KCNJ6: variants seen among roughly 807,000 people sequenced by gnomAD.
The protein encoded by KCNJ6 is G protein-activated inward rectifier potassium channel 2.
In KCNJ6, 9 loss-of-function variants were observed where a neutral mutation model predicts 34.2. The ratio of observed to expected loss-of-function variants is 0.26; its 90% CI spans 0.16 to 0.46. The LOEUF is 0.46. Ranked by LOEUF, KCNJ6 falls within the 20% of genes least tolerant of loss-of-function variation. KCNJ6 has a pLI of 1.00. For missense variants in KCNJ6, 236 were observed against 531.3 expected, an observed-to-expected ratio of 0.44 and a Z score of 5.46; for synonymous variants, 196 against 207.1, an observed-to-expected ratio of 0.95 and a Z score of 0.46.
rs138876692 is a variant in KCNJ6, at chr21:37,643,411, T to C, written c.947-17927A>G. Among the ~76,000 whole-genome samples the C allele has an allele frequency of 2.6e-5, 4 of 152,130 alleles. No homozygotes were observed. The East Asian group carries it at 7.7e-4, about 29-fold the overall frequency. On this transcript the variant is annotated intron_variant, in intron 3 of 3. Transcript: ENST00000609713. The stretch of plus-strand genomic sequence containing the variant: ...AGCCAAGGGACCTGGTAAGAGTGAG[T>C]GCAGTGGTTTCAGAGCTCCTGTTGT...
intron 1 of KCNJ6, among the ~76,000 whole-genome samples, chr21:37,911,650 C>T (rs557990598): frequency 1.3e-5 from 2 of 152,264 alleles, no homozygotes; most frequent in East Asian, 1.9e-4. Flanking sequence ...TTCTTCTTTC[C>T]TCCTACTCTG....
intron 2 of KCNJ6, among the ~76,000 whole-genome samples, chr21:37,807,845 G>A (rs1180778727): frequency 6.6e-6 from 1 of 152,110 alleles, no homozygotes; most frequent in African/African-American, 2.4e-5. Flanking sequence ...TTGTGCCTTG[G>A]AGCCTCCCTT....
At chr21:37,627,401 A>G (rs2054315998) in intron 3 of KCNJ6, among the ~76,000 whole-genome samples, 1 of 152,220 alleles carries the variant, frequency 6.6e-6, no homozygotes, top group South Asian at 2.1e-4. Context: ...CTTCTCAAAC[A>G]ACGTTTCTCT....
intron 3 of KCNJ6, among the ~76,000 whole-genome samples, chr21:37,628,762 C>A (rs575502071): frequency 6.6e-6 from 1 of 152,058 alleles, no homozygotes; most frequent in Admixed American, 6.6e-5. Context: ...TGAAACATGA[C>A]GATGAAGGTA....
At chr21:37,754,261 C>T (rs2055012343) in intron 2 of KCNJ6, among the ~76,000 whole-genome samples, 1 of 152,178 alleles carries the variant, frequency 6.6e-6, no homozygotes, top group Non-Finnish European at 1.5e-5. Flanking sequence ...GCTTCTGAGA[C>T]CTCAAGGAGA....
chr21:37,686,498 T>C (rs150761798), intron 3 of KCNJ6, among the ~76,000 whole-genome samples: 11,168 of 136,200 alleles, frequency 0.082, 1,295 homozygotes, highest in African/African-American at 0.24. Context: ...GATGGAGTCT[T>C]GCTCTGTTGC....
intron 3 of KCNJ6, among the ~76,000 whole-genome samples, chr21:37,668,731 T>C (rs2054528657): frequency 6.6e-6 from 1 of 152,164 alleles, no homozygotes; most frequent in Non-Finnish European, 1.5e-5. Context: ...ACTTTCTTAC[T>C]CATCTGAACT....
At chr21:37,689,419 T>C (rs2054629740) in intron 3 of KCNJ6, among the ~76,000 whole-genome samples, 1 of 152,186 alleles carries the variant, frequency 6.6e-6, no homozygotes, top group South Asian at 2.1e-4. Context: ...GTGGTTTCCA[T>C]CTTGTTTTCC....
At chr21:37,857,579 T>G (rs2055571490) in intron 1 of KCNJ6, among the ~76,000 whole-genome samples, 1 of 152,204 alleles carries the variant, frequency 6.6e-6, no homozygotes, top group African/African-American at 2.4e-5. Context: ...AGCTGTGTGA[T>G]GTAAGGACTA....
chr21:37,629,404 A>AC (rs2054324426), intron 3 of KCNJ6, among the ~76,000 whole-genome samples: 1 of 151,894 alleles, frequency 6.6e-6, no homozygotes, highest in Non-Finnish European at 1.5e-5. Flanking sequence ...GTGCACCCCC[A>AC]CCCCCACATT....
intron 2 of KCNJ6, among the ~76,000 whole-genome samples, chr21:37,789,795 T>G (rs1369185758): frequency 6.6e-6 from 1 of 152,160 alleles, no homozygotes; most frequent in African/African-American, 2.4e-5. Flanking sequence ...CAGCAGAAAG[T>G]CCTCCTAAGT....
intron 1 of KCNJ6, among the ~76,000 whole-genome samples, chr21:37,904,330 G>C (rs1183734882): frequency 1.3e-5 from 2 of 152,122 alleles, no homozygotes; most frequent in African/African-American, 4.8e-5. Context: ...ACTCAGCCTT[G>C]CTAACTTAAA....
intron 1 of KCNJ6, among the ~76,000 whole-genome samples, chr21:37,892,849 TCATA>T (rs2055768703): frequency 6.7e-6 from 1 of 148,434 alleles, no homozygotes; most frequent in Non-Finnish European, 1.5e-5. Context: ...ATGGCTTCTT[TCATA>T]GTTTTTTTTT....
chr21:37,789,404 G>C (rs2055206677), intron 2 of KCNJ6, among the ~76,000 whole-genome samples: 1 of 152,186 alleles, frequency 6.6e-6, no homozygotes, highest in African/African-American at 2.4e-5. Flanking sequence ...AAGGCCATGT[G>C]AGCATGTAGC....
chr21:37,769,889 G>C (rs1349855384), intron 2 of KCNJ6, among the ~76,000 whole-genome samples: 2 of 152,174 alleles, frequency 1.3e-5, no homozygotes, highest in Non-Finnish European at 2.9e-5. Flanking sequence ...TGTGAGGACA[G>C]TGTTCCTCCC....
intron 1 of KCNJ6, among the ~76,000 whole-genome samples, chr21:37,898,594 AAAAAAAAG>A (rs959668264): frequency 6.6e-5 from 10 of 151,856 alleles, no homozygotes; most frequent in South Asian, 2.1e-4. Flanking sequence ...AAAGAAAAAA[AAAAAAAAG>A]AAAAAAAGAA....
In KCNJ6 at chr21:37,625,145, G is replaced by T. The variant is rs370301203; in HGVS notation, c.*14C>A. 4 of 1,589,136 alleles carry T rather than the reference G, an allele frequency of 2.5e-6. No individual in the cohort carries two copies. The African/African-American group carries it at 4.0e-5, about 16-fold the overall frequency. The stretch of plus-strand genomic sequence containing the variant: ...TGTTGGGGGGAGAAGAGAAGGGTTT[G>T]CCCAGCTAGGGCACTAAACTTTGGA... On this transcript the variant is annotated 3_prime_UTR_variant, in exon 4 of 4. Transcript: ENST00000609713.
At chr21:37,902,479 T>C (rs2055821583) in intron 1 of KCNJ6, among the ~76,000 whole-genome samples, 1 of 152,236 alleles carries the variant, frequency 6.6e-6, no homozygotes, top group African/African-American at 2.4e-5. Context: ...CTACATGGAA[T>C]AATAGATTCT....
At chr21:37,651,550 G>A (rs1452649336) in intron 3 of KCNJ6, among the ~76,000 whole-genome samples, 1 of 152,174 alleles carries the variant, frequency 6.6e-6, no homozygotes, top group Non-Finnish European at 1.5e-5. Context: ...TGCAGAGGAA[G>A]GGAGTGGAAG....
Sources: gnomAD v4.1 joint callset for allele counts (sites outside exome capture counted in the v4.1 genomes callset) on GRCh38, gnomAD v4.1.1 for gene constraint, MANE v1.5 for transcripts, NCBI Gene and HGNC (gene_info 2026-07-23, HGNC 2026-07-21) for gene names.